The following PTPRD variants were observed in gnomAD, a reference collection of about 807,000 sequenced individuals.
The protein encoded by PTPRD is protein tyrosine phosphatase receptor type D.
In PTPRD, 34 loss-of-function variants were observed where a neutral mutation model predicts 214.5. The observed-to-expected ratio is 0.16, with a 90% confidence interval of 0.12 to 0.21. PTPRD has a LOEUF of 0.21. PTPRD is among the 10% of genes least tolerant of loss of function. The pLI, the probability that PTPRD is intolerant of heterozygous loss-of-function variation, is 1.00. For missense variants in PTPRD, 2,545 were observed against 2,398.7 expected (o/e 1.06, Z -1.27); for synonymous variants, 1,128 against 845.7 (o/e 1.33, Z -5.79).
intron 11 of PTPRD, among the ~76,000 whole-genome samples, chr9:8,739,295 G>C (rs1465874643): frequency 6.6e-6 from 1 of 152,184 alleles, no homozygotes; most frequent in African/African-American, 2.4e-5. Context: ...CTGACTTGTG[G>C]ATTTTCCAAG....
chr9:10,342,731 A>C (rs766459720), intron 2 of PTPRD, among the ~76,000 whole-genome samples: 1 of 152,128 alleles, frequency 6.6e-6, no homozygotes, highest in Non-Finnish European at 1.5e-5. Flanking sequence ...AATGAATATA[A>C]GCCATTCAGA....
intron 7 of PTPRD, among the ~76,000 whole-genome samples, chr9:9,642,610 T>C (rs971751735): frequency 6.6e-6 from 1 of 152,132 alleles, no homozygotes; most frequent in East Asian, 1.9e-4. Flanking sequence ...GATTTTGTTA[T>C]TGGGCCACGA....
At chr9:9,708,264 G>C (rs907821135) in intron 7 of PTPRD, among the ~76,000 whole-genome samples, 1 of 151,964 alleles carries the variant, frequency 6.6e-6, no homozygotes, top group African/African-American at 2.4e-5. Context: ...TCAGCTATGT[G>C]TTTACTCTTT....
chr9:10,225,453 C>A (rs191542420), intron 3 of PTPRD, among the ~76,000 whole-genome samples: 293 of 151,984 alleles, frequency 1.9e-3, no homozygotes, highest in Middle Eastern at 3.4e-3. Flanking sequence ...CAAGTTAGCT[C>A]GTGTTTTTAA....
chr9:10,181,520 C>T (rs140057171), intron 3 of PTPRD, among the ~76,000 whole-genome samples: 3 of 151,770 alleles, frequency 2.0e-5, no homozygotes, highest in Admixed American at 6.6e-5. Flanking sequence ...TTTTAAGAGA[C>T]TTCACAAACA....
intron 2 of PTPRD, among the ~76,000 whole-genome samples, chr9:10,404,062 T>C (rs1288148673): frequency 6.6e-6 from 1 of 151,756 alleles, no homozygotes; most frequent in Non-Finnish European, 1.5e-5. Flanking sequence ...GGATGGTCAC[T>C]GTTGGACAGG....
chr9:10,452,775 G>C (rs1246500185), intron 2 of PTPRD, among the ~76,000 whole-genome samples: 2 of 151,584 alleles, frequency 1.3e-5, no homozygotes, highest in Non-Finnish European at 3.0e-5. Context: ...TATAACATTG[G>C]TTGCCTTTTC....
At chr9:10,038,868 T>C (rs974883032) in intron 3 of PTPRD, among the ~76,000 whole-genome samples, 2 of 152,176 alleles carry the variant, frequency 1.3e-5, no homozygotes, top group African/African-American at 4.8e-5. Flanking sequence ...TTGGTTTATA[T>C]CCTCATTTCT....
chr9:10,231,956 TAGAGAGAGAGAGAGAG>T (rs56151511), intron 3 of PTPRD, among the ~76,000 whole-genome samples: 22 of 109,074 alleles, frequency 2.0e-4, no homozygotes, highest in Non-Finnish European at 2.8e-4. Flanking sequence ...GGGAATGAAT[TAGAGAGAGAGAGAGAG>T]AGAGAGAGAG....
intron 3 of PTPRD, among the ~76,000 whole-genome samples, chr9:10,111,255 T>C (rs1360908636): frequency 9.1e-6 from 1 of 110,016 alleles, no homozygotes; most frequent in African/African-American, 3.2e-5. Context: ...TTTTTTTTTT[T>C]TGAGACGGAG....
At chr9:10,357,349 T>C (rs1391590009) in intron 2 of PTPRD, among the ~76,000 whole-genome samples, 1 of 152,208 alleles carries the variant, frequency 6.6e-6, no homozygotes, top group Non-Finnish European at 1.5e-5. Context: ...CTTGGATTCG[T>C]TCCTTGATAA....
At chr9:9,702,994 A>G (rs2097532262) in intron 7 of PTPRD, among the ~76,000 whole-genome samples, 1 of 152,174 alleles carries the variant, frequency 6.6e-6, no homozygotes, top group Non-Finnish European at 1.5e-5. Context: ...TGTACTACTG[A>G]TATGCTTGGC....
Position 10,240,224 on chromosome 9 carries a change from C to A in PTPRD, c.-545+100739G>T, listed in dbSNP as rs143973340. ...TCATATAACCTAAATAAAAACAGAT[C>A]GTTTTCTCTGTACCTTTGATTCTTC... On this transcript the variant is annotated intron_variant, in intron 3 of 45. Transcript: ENST00000381196. Among the ~76,000 whole-genome samples, 523 of 152,036 alleles carry A rather than the reference C, an allele frequency of 3.4e-3. 3 individuals carry two copies. The highest frequency in any genetic ancestry group is 0.012 in the African/African-American group (501 of 41,526).
chr9:8,955,341 C>T (rs1396112229), intron 11 of PTPRD, among the ~76,000 whole-genome samples: 1 of 151,752 alleles, frequency 6.6e-6, no homozygotes, highest in Non-Finnish European at 1.5e-5. Context: ...ATACCATCTG[C>T]TTGGATAGAT....
At chr9:9,124,008 G>C (rs2154466392) in intron 10 of PTPRD, among the ~76,000 whole-genome samples, 1 of 152,202 alleles carries the variant, frequency 6.6e-6, no homozygotes, top group South Asian at 2.1e-4. Flanking sequence ...CTAAAAGGTG[G>C]GGTGGGGGAG....
intron 8 of PTPRD, among the ~76,000 whole-genome samples, chr9:9,534,654 T>A (rs1317425637): frequency 6.6e-6 from 1 of 152,102 alleles, no homozygotes; most frequent in Non-Finnish European, 1.5e-5. Flanking sequence ...TTTTTAAAGT[T>A]CACTGAGTAA....
intron 2 of PTPRD, among the ~76,000 whole-genome samples, chr9:10,431,763 A>G (rs915807173): frequency 6.6e-5 from 10 of 152,148 alleles, no homozygotes; most frequent in East Asian, 3.9e-4. Flanking sequence ...TTAGAATGGC[A>G]ATCATTAAAA....
chr9:10,313,779 T>C (rs2096339547), intron 3 of PTPRD, among the ~76,000 whole-genome samples: 1 of 151,948 alleles, frequency 6.6e-6, no homozygotes, highest in Non-Finnish European at 1.5e-5. Flanking sequence ...AAAATTTAGC[T>C]AAACTAACAC....
chr9:8,449,627 G>A, intron 34 of PTPRD, 98 bp downstream of exon 34: 2 of 1,072,384 alleles, frequency 1.9e-6, no homozygotes, highest in Non-Finnish European at 1.3e-6. Context: ...TGAACAAAAT[G>A]GCTCAAAATA....
Sources: gnomAD v4.1 joint callset for allele counts (sites outside exome capture counted in the v4.1 genomes callset) on GRCh38, gnomAD v4.1.1 for gene constraint, MANE v1.5 for transcripts, NCBI Gene and HGNC (gene_info 2026-07-23, HGNC 2026-07-21) for gene names.